Variants in CDH13 observed in about 807,000 individuals in gnomAD.
The protein encoded by CDH13 is cadherin 13.
A neutral mutation model predicts 63.8 loss-of-function variants in CDH13; 24 were observed. The observed-to-expected ratio is 0.38, with a 90% confidence interval of 0.27 to 0.53. The LOEUF (loss-of-function observed/expected upper bound fraction) is 0.53, where lower values mean the gene tolerates loss of function less well. Among genes scored for constraint, CDH13 ranks in the 20% least tolerant of loss-of-function variants. The probability of loss-of-function intolerance (pLI) is 0.85; values close to 1 mark genes in which losing one functional copy is unlikely to be tolerated. For missense variants in CDH13, 1,049 were observed against 903.1 expected, an observed-to-expected ratio of 1.16 and a Z score of -2.07; for synonymous variants, 503 against 355.3, an observed-to-expected ratio of 1.42 and a Z score of -4.67.
In CDH13 at chr16:82,970,072, T is replaced by C. The variant is rs141141667; in HGVS notation, c.158-61938T>C. On this transcript the variant is annotated intron_variant, in intron 2 of 13. Transcript: ENST00000567109. ...CATCTACATTAGGTATTTCTCCTAA[T>C]GCTATCCCTCCCCTAGACCCCTACC... 1.4e-3 allele frequency among the ~76,000 whole-genome samples: 206 copies of C among 152,290 alleles called. 2 individuals are homozygous for C. The highest frequency in any genetic ancestry group is 4.8e-3 in the African/African-American group (200 of 41,556).
At chr16:83,073,352 T>A (rs867260820) in intron 3 of CDH13, among the ~76,000 whole-genome samples, 1,524 of 125,040 alleles carry the variant, frequency 0.012, 31 homozygotes, top group African/African-American at 0.04. Context: ...TGTGTGTGTG[T>A]GTGAGAGAGA....
At chr16:82,886,173 G>A (rs186388240) in intron 2 of CDH13, among the ~76,000 whole-genome samples, 61 of 152,238 alleles carry the variant, frequency 4.0e-4, no homozygotes, top group Admixed American at 9.2e-4. Flanking sequence ...TAATCAAACT[G>A]TTATAGCTAT....
intron 8 of CDH13, among the ~76,000 whole-genome samples, chr16:83,618,804 G>A (rs1345531873): frequency 6.6e-6 from 1 of 151,894 alleles, no homozygotes; most frequent in African/African-American, 2.4e-5. Context: ...CGTTAGAGTG[G>A]AGACAGGTTC....
chr16:82,739,698 A>G (rs1485982266), intron 1 of CDH13, among the ~76,000 whole-genome samples: 2 of 152,250 alleles, frequency 1.3e-5, no homozygotes, highest in South Asian at 2.1e-4. Context: ...TACAAAAGAA[A>G]AAGGAAAATA....
At chr16:82,638,836 T>TGTGTG (rs1909025478) in intron 1 of CDH13, among the ~76,000 whole-genome samples, 1 of 50,002 alleles carries the variant, frequency 2.0e-5, no homozygotes, top group African/African-American at 5.6e-5. Context: ...GTGTGTGCGT[T>TGTGTG]TGTGTGCATG....
chr16:82,633,080 C>T (rs913547066), intron 1 of CDH13, among the ~76,000 whole-genome samples: 10 of 152,170 alleles, frequency 6.6e-5, no homozygotes, highest in African/African-American at 9.7e-5. Context: ...TGCTTGCTCA[C>T]GGGCCACTCA....
At chr16:82,982,389 A>G (rs1910388405) in intron 2 of CDH13, among the ~76,000 whole-genome samples, 1 of 152,186 alleles carries the variant, frequency 6.6e-6, no homozygotes. Context: ...AGTGACTTAA[A>G]ATACCACAAA....
At chr16:83,222,357 C>T (rs1172382704) in intron 5 of CDH13, among the ~76,000 whole-genome samples, 3 of 152,190 alleles carry the variant, frequency 2.0e-5, no homozygotes, top group Non-Finnish European at 4.4e-5. Flanking sequence ...TACCCCTATT[C>T]TAACCCATCT....
chr16:82,961,926 T>A (rs1400718874), intron 2 of CDH13, among the ~76,000 whole-genome samples: 2 of 152,198 alleles, frequency 1.3e-5, no homozygotes, highest in Non-Finnish European at 2.9e-5. Context: ...AAGAATTATC[T>A]GGCCCCAAAC....
intron 3 of CDH13, among the ~76,000 whole-genome samples, chr16:83,092,319 C>T (rs997653967): frequency 6.6e-5 from 10 of 152,176 alleles, no homozygotes; most frequent in Admixed American, 5.9e-4. Context: ...ATTTGTATAA[C>T]CTTTGTCTTC....
rs535132261 is a variant in CDH13 at position 83,365,455 on chromosome 16, G to T, written c.781+20449G>T. ...CAGAATAAGAGTTGCCCAAGTACCTGGTTACCCCATGGTCAGCTGAGTTGA... is the reference window on the plus strand; with the variant it reads ...CAGAATAAGAGTTGCCCAAGTACCTTGTTACCCCATGGTCAGCTGAGTTGA... On this transcript the variant is annotated intron_variant, in intron 6 of 13. Transcript: ENST00000567109. Among the ~76,000 whole-genome samples, 15 of 152,242 alleles carry T rather than the reference G, an allele frequency of 9.9e-5. No individual in the cohort carries two copies. The South Asian group carries it at 2.3e-3, about 23-fold the overall frequency.
chr16:82,783,588 T>A (rs1408356287), intron 1 of CDH13, among the ~76,000 whole-genome samples: 1 of 152,226 alleles, frequency 6.6e-6, no homozygotes, highest in Non-Finnish European at 1.5e-5. Flanking sequence ...GTGCAGTGAT[T>A]CTTTTCCTCC....
intron 5 of CDH13, among the ~76,000 whole-genome samples, chr16:83,230,320 A>G (rs907314541): frequency 1.3e-5 from 2 of 152,084 alleles, no homozygotes; most frequent in African/African-American, 4.8e-5. Context: ...TAGAAAATGG[A>G]TGTGTTAACC....
chr16:82,806,367 T>C (rs942560643), intron 1 of CDH13, among the ~76,000 whole-genome samples: 7 of 152,158 alleles, frequency 4.6e-5, no homozygotes, highest in African/African-American at 1.4e-4. Flanking sequence ...CTGTCTACCA[T>C]TGAAGGTACA....
At chr16:83,585,306 A>G (rs1906038798) in intron 7 of CDH13, among the ~76,000 whole-genome samples, 1 of 152,166 alleles carries the variant, frequency 6.6e-6, no homozygotes, top group African/African-American at 2.4e-5. Context: ...GTAAGACACA[A>G]CAGTAACCCA....
chr16:82,678,013 G>A (rs566009601), intron 1 of CDH13, among the ~76,000 whole-genome samples: 22 of 152,200 alleles, frequency 1.4e-4, no homozygotes, highest in South Asian at 2.1e-4. Flanking sequence ...TTAATGAATC[G>A]TGGTCAGAAT....
At chr16:83,109,244 A>T (rs188961521) in intron 3 of CDH13, among the ~76,000 whole-genome samples, 1 of 152,140 alleles carries the variant, frequency 6.6e-6, no homozygotes, top group Non-Finnish European at 1.5e-5. Context: ...ATTCCTGGGA[A>T]ATTTTCCCAG....
At chr16:82,827,844 A>G (rs2038327643) in intron 1 of CDH13, among the ~76,000 whole-genome samples, 1 of 152,182 alleles carries the variant, frequency 6.6e-6, no homozygotes, top group Admixed American at 6.5e-5. Context: ...CAGATGTGGT[A>G]TGAGTATGAC....
At chr16:83,088,297 A>G (rs902552883) in intron 3 of CDH13, among the ~76,000 whole-genome samples, 2 of 152,182 alleles carry the variant, frequency 1.3e-5, no homozygotes, top group African/African-American at 4.8e-5. Context: ...GTGCCTTATT[A>G]GGCTTATAAC....
Sources: allele counts gnomAD v4.1 joint callset (sites outside exome capture counted in the v4.1 genomes callset), GRCh38; gene constraint gnomAD v4.1.1; transcripts MANE v1.5; gene names NCBI Gene and HGNC (gene_info 2026-07-23, HGNC 2026-07-21).